The following KIRREL3 variants were observed in gnomAD, a reference collection of about 807,000 sequenced individuals.
KIRREL3 encodes kirre like nephrin family adhesion molecule 3, also known as kin of IRRE-like protein 3.
KIRREL3 carries 36 observed loss-of-function variants against 89.7 expected under a neutral mutation model. The observed-to-expected ratio is 0.40, with a 90% CI of 0.31 to 0.53. The LOEUF is 0.53. Ranked by LOEUF, KIRREL3 falls within the 20% of genes least tolerant of loss-of-function variation. The pLI is 0.49. For missense variants in KIRREL3, 864 were observed against 1,056.6 expected, an observed-to-expected ratio of 0.82 and a Z score of 2.53; for synonymous variants, 445 against 441.4, an observed-to-expected ratio of 1.01 and a Z score of -0.10.
At chr11:126,506,090 C>T (rs915586853) in intron 4 of KIRREL3, among the ~76,000 whole-genome samples, 2 of 152,112 alleles carry the variant, frequency 1.3e-5, no homozygotes, top group Admixed American at 6.5e-5. Context: ...GAATTTAGGG[C>T]CTTCACAAAT....
rs138876966 is a variant in KIRREL3 at position 126,623,884 on chromosome 11, C to A, written c.56-60972G>T. Among the ~76,000 whole-genome samples the A allele has an allele frequency of 4.7e-4, 71 of 152,298 alleles. No individual in the cohort carries two copies. Among genetic ancestry groups the A allele is most frequent in the Middle Eastern group, 6.8e-3 (2 of 294 alleles). ...CGTTATGCCTCTCCCCAACCCCAGT[C>A]CAGAAGGGGCTGGCAGGTACCTCTT... On this transcript the variant is annotated intron_variant, in intron 1 of 16. Coordinates refer to ENST00000525144, the MANE Select transcript of KIRREL3 (RefSeq NM_032531.4). This position sits in a 1 kb window ranked among gnomAD's most constrained non-coding sequence, Gnocchi z 4.1.
rs916077662 is a variant in KIRREL3, at chr11:126,495,812, C to T, written c.434-22346G>A. On this transcript the variant is annotated intron_variant, in intron 4 of 16. Transcript: ENST00000525144. This position sits in a 1 kb window ranked among gnomAD's most constrained non-coding sequence, Gnocchi z 6.5. The stretch of plus-strand genomic sequence containing the variant: ...CAGCCTGAGGATCAGGACACTGGGA[C>T]TCTAGTCCTGACACTCAGCAAATGG... Among the ~76,000 whole-genome samples, 1 of 152,192 alleles carries T rather than the reference C, an allele frequency of 6.6e-6. No homozygotes were observed. Among genetic ancestry groups the T allele is most frequent in the Non-Finnish European group, 1.5e-5 (1 of 68,040 alleles).
At position 126,778,733 on chromosome 11, in the gene KIRREL3, A is replaced by G. The variant is rs1010082157; in HGVS notation, c.56-215821T>C. ...CCGCTAGTAATGTTCAGAGAGTGCT[A>G]TGTTAGCTCTTTGTGAACAAAAGCT... On this transcript the variant is annotated intron_variant, in intron 1 of 16. Transcript: ENST00000525144. The surrounding 1 kb of genome is among the most constrained non-coding windows in gnomAD (Gnocchi z 4.5). Among the ~76,000 whole-genome samples, 9 of 152,206 alleles carry G rather than the reference A, an allele frequency of 5.9e-5. No homozygotes were observed. The highest frequency in any genetic ancestry group is 1.0e-4 in the Non-Finnish European group (7 of 68,032).
rs1943118286 is a variant in KIRREL3, at chr11:126,611,301, T to C, written c.56-48389A>G. 6.6e-6 allele frequency among the ~76,000 whole-genome samples: 1 copy of C among 152,208 alleles called. No homozygotes were observed. Among genetic ancestry groups the C allele is most frequent in the Non-Finnish European group, 1.5e-5 (1 of 68,030 alleles). The stretch of plus-strand genomic sequence containing the variant: ...CCGCACCCTCTCCCATTCCTTTCCT[T>C]CTCAATTCTATTGACATTTTTGGTG... On this transcript the variant is annotated intron_variant, in intron 1 of 16. Transcript: ENST00000525144. The surrounding 1 kb of genome is among the most constrained non-coding windows in gnomAD (Gnocchi z 4.7).
In KIRREL3 at chr11:126,463,003, G is replaced by A. The variant is rs938413917; in HGVS notation, c.742+154C>T. ...CATCTCATGACAGTAAGGAAGACAA[G>A]ATGGTCCTTCCTGTCCGTATCTACA... On this transcript the variant is annotated intron_variant, in intron 6 of 16. Coordinates refer to ENST00000525144, the MANE Select transcript of KIRREL3 (RefSeq NM_032531.4). The surrounding 1 kb of genome is among the most constrained non-coding windows in gnomAD (Gnocchi z 5.9). 1.3e-5 allele frequency among the ~76,000 whole-genome samples: 2 copies of A among 152,218 alleles called. No homozygotes were observed. Among genetic ancestry groups the A allele is most frequent in the African/African-American group, 2.4e-5 (1 of 41,450 alleles).
intron 1 of KIRREL3, among the ~76,000 whole-genome samples, chr11:126,588,350 G>A (rs1398315445): frequency 6.6e-6 from 1 of 152,196 alleles, no homozygotes; most frequent in Non-Finnish European, 1.5e-5. Flanking sequence ...TATCCTTGAA[G>A]AGAGGCTTAA....
intron 1 of KIRREL3, among the ~76,000 whole-genome samples, chr11:126,629,948 C>T (rs1297686919): frequency 6.6e-6 from 1 of 152,194 alleles, no homozygotes; most frequent in Admixed American, 6.5e-5. Context: ...TTAAACTCTC[C>T]AGATTCCCCA....
chr11:126,837,909 AG>A lies in KIRREL3; in HGVS notation c.55+162545del, dbSNP rs1472943391. Among the ~76,000 whole-genome samples, 1 of 152,218 alleles carries A rather than the reference AG, an allele frequency of 6.6e-6. No homozygotes were observed. Among genetic ancestry groups the A allele is most frequent in the Non-Finnish European group, 1.5e-5 (1 of 68,050 alleles). On this transcript the variant is annotated intron_variant, in intron 1 of 16. Transcript: ENST00000525144. This position sits in a 1 kb window ranked among gnomAD's most constrained non-coding sequence, Gnocchi z 4.7. ...CCAAAGAACTGCCATTTACAGAAAT[AG>A]GTCTAGGATATAATCTGTAGTTAAA...
rs187615958 is a variant in KIRREL3, at chr11:126,769,173, C to A, written c.56-206261G>T. Among the ~76,000 whole-genome samples, 1 of 152,308 alleles carries A rather than the reference C, an allele frequency of 6.6e-6. No homozygotes were observed. The highest frequency in any genetic ancestry group is 2.4e-5 in the African/African-American group (1 of 41,560). ...CAGGTCCCATCTCTGCCAGTCACTG[C>A]TTTCCCTTCCTCCTACGCTTTCAAC... On this transcript the variant is annotated intron_variant, in intron 1 of 16. Transcript: ENST00000525144. The surrounding 1 kb of genome is among the most constrained non-coding windows in gnomAD (Gnocchi z 4.3).
intron 11 of KIRREL3, chr11:126,440,089 G>A: frequency 1.1e-5 from 5 of 448,980 alleles, no homozygotes; most frequent in Non-Finnish European, 1.7e-5. Flanking sequence ...TATTACCTGC[G>A]CTCTAAGATT....
At chr11:126,482,294 C>T (rs2134311785) in intron 4 of KIRREL3, among the ~76,000 whole-genome samples, 1 of 152,330 alleles carries the variant, frequency 6.6e-6, no homozygotes, top group East Asian at 1.9e-4. Flanking sequence ...CTGCCTTGGT[C>T]TCCCAAAATG....
chr11:126,744,239 C>CTTT lies in KIRREL3; in HGVS notation c.56-181330_56-181328dup, dbSNP rs58585835. 1.4e-5 allele frequency among the ~76,000 whole-genome samples: 2 copies of CTTT among 147,764 alleles called. No individual in the cohort carries two copies. Among genetic ancestry groups the CTTT allele is most frequent in the Non-Finnish European group, 1.5e-5 (1 of 66,846 alleles). ...TTGGTTTGTCTTCTGAAACACACAA[C>CTTT]TTTTTTTTTTTTTATGGGTGGAAAG... On this transcript the variant is annotated intron_variant, in intron 1 of 16. Transcript: ENST00000525144. This position sits in a 1 kb window ranked among gnomAD's most constrained non-coding sequence, Gnocchi z 4.7.
intron 1 of KIRREL3, among the ~76,000 whole-genome samples, chr11:126,963,049 C>T (rs181714862): frequency 9.2e-5 from 14 of 152,190 alleles, no homozygotes; most frequent in African/African-American, 1.7e-4. Flanking sequence ...AAAAATTGTG[C>T]GATTTCCTTT....
In KIRREL3 at chr11:126,769,438, T is replaced by C. The variant is rs909220071; in HGVS notation, c.56-206526A>G. Among the ~76,000 whole-genome samples the C allele has an allele frequency of 6.6e-6, 1 of 152,142 alleles. No homozygotes were observed. Among genetic ancestry groups the C allele is most frequent in the Non-Finnish European group, 1.5e-5 (1 of 68,034 alleles). On this transcript the variant is annotated intron_variant, in intron 1 of 16. Transcript: ENST00000525144. This position sits in a 1 kb window ranked among gnomAD's most constrained non-coding sequence, Gnocchi z 4.3. ...AACATGAGACATTATTGGATAGATA[T>C]TGCCATCAAGAAGAGGGGCCCACTC...
intron 6 of KIRREL3, among the ~76,000 whole-genome samples, chr11:126,461,785 G>A (rs932214635): frequency 2.6e-5 from 4 of 152,112 alleles, no homozygotes; most frequent in South Asian, 2.1e-4. Flanking sequence ...AGAGACACTC[G>A]GAGCCCAGAA....
rs1473310999 is a variant in KIRREL3, at chr11:126,969,315, C to T, written c.55+31140G>A. ...ATGTCCTATCTTTGGGAATGCTGGC[C>T]TTCCAAGGAGAGAGTTGTCCACTGG... On this transcript the variant is annotated intron_variant, in intron 1 of 16. Transcript: ENST00000525144. This position sits in a 1 kb window ranked among gnomAD's most constrained non-coding sequence, Gnocchi z 4.9. Among the ~76,000 whole-genome samples, 2 of 152,158 alleles carry T rather than the reference C, an allele frequency of 1.3e-5. No homozygotes were observed. Among genetic ancestry groups the T allele is most frequent in the Admixed American group, 1.3e-4 (2 of 15,274 alleles).
At chr11:126,630,534 A>T (rs1290285574) in intron 1 of KIRREL3, among the ~76,000 whole-genome samples, 2 of 152,084 alleles carry the variant, frequency 1.3e-5, no homozygotes. Flanking sequence ...TTGGTCTTGG[A>T]CTGGGAAAAA....
At chr11:126,893,338 T>C (rs1946000392) in intron 1 of KIRREL3, among the ~76,000 whole-genome samples, 2 of 152,240 alleles carry the variant, frequency 1.3e-5, no homozygotes, top group Admixed American at 1.3e-4. Flanking sequence ...TTTTACAATG[T>C]AATATGTGTC....
chr11:126,529,910 G>A (rs1368392602), intron 2 of KIRREL3, among the ~76,000 whole-genome samples: 1 of 148,452 alleles, frequency 6.7e-6, no homozygotes. Flanking sequence ...AGTATCTAGA[G>A]TGGATAAAAG....
Sources: allele counts gnomAD v4.1 joint callset (sites outside exome capture counted in the v4.1 genomes callset), GRCh38; gene constraint gnomAD v4.1.1; non-coding constraint Gnocchi (gnomAD v3.1); transcripts MANE v1.5; gene names NCBI Gene and HGNC (gene_info 2026-07-23, HGNC 2026-07-21).